Variants in ZNF516 observed in about 807,000 individuals in gnomAD.
ZNF516 encodes zinc finger protein 516.
A neutral mutation model predicts 79.7 loss-of-function variants in ZNF516; 19 were observed. The ratio of observed to expected loss-of-function variants is 0.24; its 90% CI spans 0.17 to 0.35. The LOEUF (loss-of-function observed/expected upper bound fraction) is 0.35. Ranked by LOEUF, ZNF516 falls within the 10% of genes least tolerant of loss-of-function variation. The pLI is 1.00. For synonymous variants in ZNF516, 877 were observed against 739.5 expected (o/e 1.19, Z -3.02); for missense variants, 1,678 against 1,679.5 (o/e 1.00, Z 0.02).
intron 2 of ZNF516, among the ~76,000 whole-genome samples, chr18:76,448,862 G>A (rs1225420887): frequency 1.3e-5 from 2 of 152,158 alleles, no homozygotes; most frequent in African/African-American, 4.8e-5. Context: ...AAAGCGTGCT[G>A]GCAGCGCACC....
chr18:76,425,822 G>T (rs1409045649), intron 3 of ZNF516, among the ~76,000 whole-genome samples: 1 of 152,182 alleles, frequency 6.6e-6, no homozygotes, highest in Non-Finnish European at 1.5e-5. Context: ...TCGAGGTCCA[G>T]GTAAGAGACA....
At chr18:76,488,689 T>C (rs977958647) in intron 1 of ZNF516, among the ~76,000 whole-genome samples, 2 of 152,242 alleles carry the variant, frequency 1.3e-5, no homozygotes, top group African/African-American at 4.8e-5. Flanking sequence ...ACATTTATAA[T>C]GCAGATACCT....
chr18:76,495,303 C>T (rs929642140), upstream of ZNF516: 47 of 144,774 alleles, frequency 3.2e-4, no homozygotes, highest in African/African-American at 1.1e-3. Flanking sequence ...CGGGGCCCGC[C>T]ACGCGCCCGG....
rs1184172512 is a variant in ZNF516, at chr18:76,418,286, C to T, written c.1810+22959G>A. ...CGTAACACACTAACATACACTGTAA[C>T]GCACTATAACACACACGCTGTAACA... On this transcript the variant is annotated intron_variant, in intron 3 of 6. Transcript: ENST00000443185. Among the ~76,000 whole-genome samples the T allele has an allele frequency of 4.6e-5, 7 of 152,092 alleles. No homozygotes were observed. In the East Asian group the frequency reaches 1.3e-3, roughly 29 times the overall value.
intron 6 of ZNF516, among the ~76,000 whole-genome samples, chr18:76,364,227 A>ACTGAAGGGATGTGTTCCAATACCT (rs1364212934): frequency 2.6e-5 from 4 of 152,222 alleles, no homozygotes; most frequent in Non-Finnish European, 5.9e-5. Context: ...TCTCTTCATA[A>ACTGAAGGGATGTGTTCCAATACCT]CTGAAGGGAT....
At position 76,438,215 on chromosome 18, in the gene ZNF516, A is replaced by G. The variant is rs576092091; in HGVS notation, c.1810+3030T>C. On this transcript the variant is annotated intron_variant, in intron 3 of 6. Transcript: ENST00000443185. ...TTCCAGAGATGTGCAGCCTCTCTGC[A>G]TGCTTCTGTTATTCCTAAGTCGCCT... 2.0e-4 allele frequency among the ~76,000 whole-genome samples: 31 copies of G among 152,354 alleles called. No homozygotes were observed. The South Asian group carries it at 6.4e-3, about 32-fold the overall frequency.
intron 2 of ZNF516, among the ~76,000 whole-genome samples, chr18:76,448,776 A>G (rs1323387740): frequency 6.6e-6 from 1 of 152,158 alleles, no homozygotes; most frequent in African/African-American, 2.4e-5. Flanking sequence ...ATCAGGAGCC[A>G]GAGAATCTAA....
chr18:76,373,591 T>A (rs2074741996), intron 4 of ZNF516, among the ~76,000 whole-genome samples: 1 of 152,092 alleles, frequency 6.6e-6, no homozygotes. Flanking sequence ...AAAAACTAAG[T>A]CATTATTCTT....
Position 76,414,940 on chromosome 18 carries a change from G to C in ZNF516, c.1810+26305C>G, listed in dbSNP as rs35122237. ...ACACTGGATGCGGTGGCTCACGCCT[G>C]TAATCTCAGCACTTTGGGAGGCCGA... On this transcript the variant is annotated intron_variant, in intron 3 of 6. Transcript: ENST00000443185. Among the ~76,000 whole-genome samples the C allele has an allele frequency of 5.7e-3, 861 of 152,364 alleles. 4 individuals carry two copies. The highest frequency in any genetic ancestry group is 0.01 in the Middle Eastern group (3 of 294).
chr18:76,407,132 G>C (rs991138367), intron 3 of ZNF516, among the ~76,000 whole-genome samples: 2 of 152,176 alleles, frequency 1.3e-5, no homozygotes, highest in African/African-American at 4.8e-5. Context: ...AGGACACCCA[G>C]GGCAGGCATG....
chr18:76,419,939 C>T (rs1279233845), intron 3 of ZNF516, among the ~76,000 whole-genome samples: 2 of 152,230 alleles, frequency 1.3e-5, no homozygotes, highest in Non-Finnish European at 2.9e-5. Flanking sequence ...GCCAGGAGTC[C>T]CCACTGTGTG....
At position 76,380,051 on chromosome 18, in the gene ZNF516, C is replaced by A; in HGVS notation, c.2063G>T (p.Gly688Val). Residue 688 changes from glycine to valine, a missense_variant, in exon 4 of 7, where the codon GGT (glycine) becomes GTT (valine). Transcript: ENST00000443185. ...FHPKQEVPVP[G>V]DGVEFPSSTG... ...ACTGGAAGGGAACTCCACACCATCA[C>A]CAGGGACGGGCACCTCCTGCTTGGG... 1 of 1,613,976 alleles carries A rather than the reference C, an allele frequency of 6.2e-7. No individual in the cohort carries two copies. Among genetic ancestry groups the A allele is most frequent in the Non-Finnish European group, 8.5e-7 (1 of 1,179,890 alleles).
intron 2 of ZNF516, among the ~76,000 whole-genome samples, chr18:76,458,309 G>T (rs1912857377): frequency 1.3e-5 from 2 of 152,210 alleles, no homozygotes; most frequent in Non-Finnish European, 2.9e-5. Context: ...ACAGCACTGT[G>T]GACCCGCAGT....
chr18:76,377,270 AAC>A (rs2074802500), intron 4 of ZNF516, among the ~76,000 whole-genome samples: 1 of 152,242 alleles, frequency 6.6e-6, no homozygotes, highest in Non-Finnish European at 1.5e-5. Context: ...ACCTCAAGCC[AAC>A]GTGAATGACG....
intron 3 of ZNF516, among the ~76,000 whole-genome samples, chr18:76,431,873 C>T (rs1355516099): frequency 6.6e-6 from 1 of 152,190 alleles, no homozygotes; most frequent in Non-Finnish European, 1.5e-5. Context: ...CTCGGGTATT[C>T]CTTTACAGAA....
At chr18:76,408,949 A>G (rs774008550) in intron 3 of ZNF516, among the ~76,000 whole-genome samples, 2 of 152,250 alleles carry the variant, frequency 1.3e-5, no homozygotes, top group Non-Finnish European at 2.9e-5. Flanking sequence ...CCCCACTCAG[A>G]AGCCAAGCCA....
At chr18:76,448,573 C>T (rs896333983) in intron 2 of ZNF516, among the ~76,000 whole-genome samples, 1 of 152,304 alleles carries the variant, frequency 6.6e-6, no homozygotes, top group African/African-American at 2.4e-5. Context: ...AGAAAGAAAA[C>T]CATGTTCACA....
chr18:76,468,931 C>G (rs1198465909), intron 1 of ZNF516, among the ~76,000 whole-genome samples: 1 of 152,258 alleles, frequency 6.6e-6, no homozygotes, highest in East Asian at 1.9e-4. Flanking sequence ...ATATGTCCTT[C>G]AACAATGGAA....
chr18:76,491,864 G>C (rs1009718039), intron 1 of ZNF516, among the ~76,000 whole-genome samples: 3 of 152,270 alleles, frequency 2.0e-5, no homozygotes, highest in African/African-American at 7.2e-5. Context: ...GCCCAGTCCC[G>C]GTTCCGCCGG....
Sources: gnomAD v4.1 joint callset for allele counts (sites outside exome capture counted in the v4.1 genomes callset) on GRCh38, gnomAD v4.1.1 for gene constraint, MANE v1.5 for transcripts, NCBI Gene and HGNC (gene_info 2026-07-23, HGNC 2026-07-21) for gene names.